Variants in FLT3 observed in about 807,000 individuals in gnomAD.
FLT3 encodes the protein fms related receptor tyrosine kinase 3.
FLT3 carries 46 observed loss-of-function variants against 126.6 expected under a neutral mutation model. The observed-to-expected ratio is 0.36, with a 90% CI of 0.29 to 0.46. The LOEUF (loss-of-function observed/expected upper bound fraction) is 0.46, where lower values mean the gene tolerates loss of function less well. Among genes scored for constraint, FLT3 ranks in the 20% least tolerant of loss-of-function variants. FLT3 has a pLI of 1.00. For missense variants in FLT3, 1,069 were observed against 1,190.3 expected, an observed-to-expected ratio of 0.90 and a Z score of 1.50; for synonymous variants, 404 against 434.4, an observed-to-expected ratio of 0.93 and a Z score of 0.87.
intron 17 of FLT3, among the ~76,000 whole-genome samples, chr13:28,026,140 CAGG>C (rs1441835607): frequency 1.3e-5 from 2 of 151,960 alleles, no homozygotes; most frequent in Non-Finnish European, 2.9e-5. Context: ...CAACTGAGGT[CAGG>C]AGTTCAACAC....
At chr13:28,077,541 CT>C (rs1878039083) in intron 1 of FLT3, among the ~76,000 whole-genome samples, 1 of 152,142 alleles carries the variant, frequency 6.6e-6, no homozygotes, top group East Asian at 1.9e-4. Flanking sequence ...TTACCTCCCC[CT>C]GGGTCCTTCC....
At chr13:28,015,546 T>C (rs1201179594) in intron 21 of FLT3, 44 bp downstream of exon 21, 1 of 1,138,804 alleles carries the variant, frequency 8.8e-7, no homozygotes, top group Non-Finnish European at 1.3e-6. Context: ...GAGCAGAGGA[T>C]GCAAAGCCAG....
intron 1 of FLT3, among the ~76,000 whole-genome samples, chr13:28,083,914 C>T (rs1419729096): frequency 6.6e-6 from 1 of 151,822 alleles, no homozygotes; most frequent in East Asian, 1.9e-4. Context: ...TTTTATTGAT[C>T]TTTTACTGTT....
intron 23 of FLT3, among the ~76,000 whole-genome samples, chr13:28,013,231 A>G (rs1405815299): frequency 6.6e-6 from 1 of 152,238 alleles, no homozygotes; most frequent in Non-Finnish European, 1.5e-5. Context: ...TACAGAACTG[A>G]AAACTGACTC....
At chr13:28,032,986 T>A (rs1457225726) in intron 15 of FLT3, among the ~76,000 whole-genome samples, 1 of 152,066 alleles carries the variant, frequency 6.6e-6, no homozygotes, top group Non-Finnish European at 1.5e-5. Flanking sequence ...CAGATCGGAA[T>A]GGATGGAGCA....
intron 1 of FLT3, among the ~76,000 whole-genome samples, chr13:28,083,298 T>C (rs1326056561): frequency 6.6e-6 from 1 of 152,218 alleles, no homozygotes; most frequent in East Asian, 1.9e-4. Flanking sequence ...GTAAATATAG[T>C]GATTGATTTT....
rs148582615 is a variant in FLT3 at position 28,063,607 on chromosome 13, G to A, written c.166-1538C>T. On this transcript the variant is annotated intron_variant, in intron 2 of 23. Transcript: ENST00000241453. Reference sequence around the variant, plus strand: ...ACAGCATGCACACATGCACACACATGAGCACACACATATTTCTTCAGGTGA... The same window carrying A: ...ACAGCATGCACACATGCACACACATAAGCACACACATATTTCTTCAGGTGA... 6.1e-3 allele frequency among the ~76,000 whole-genome samples: 923 copies of A among 152,188 alleles called. 14 individuals carry two copies. Among genetic ancestry groups the A allele is most frequent in the African/African-American group, 0.021 (870 of 41,532 alleles).
chr13:28,050,072 A>G, intron 6 of FLT3, 23 bp downstream of exon 6: 2 of 1,609,044 alleles, frequency 1.2e-6, no homozygotes, highest in Middle Eastern at 1.7e-4. Flanking sequence ...TGAAAATGAA[A>G]GTGCATGATA....
chr13:28,023,312 C>A lies in FLT3; in HGVS notation c.2418+38G>T, dbSNP rs766763755. ...CATATATAAGCACATCTTTTCAAAT[C>A]TTTTTTTTGGTTTGTTTTTTCTTTA... On this transcript the variant is annotated intron_variant, in intron 19 of 23. Transcript: ENST00000241453. 4.7e-6 allele frequency: 5 copies of A among 1,058,520 alleles called. 1 individual carries two copies. Among genetic ancestry groups the A allele is most frequent in the South Asian group, 4.5e-5 (3 of 65,960 alleles). The allele number at this position is 1,058,520 out of a possible 1,614,324, so 65.6% of individuals were successfully genotyped here. A position where few individuals can be genotyped will look rare whatever the true frequency, so the allele number is the denominator to read the frequency against.
rs369177963 is a variant in FLT3, at chr13:28,018,560, G to A, written c.2448C>T (p.Asn816=). 45 of 1,613,992 alleles carry A rather than the reference G, an allele frequency of 2.8e-5. No homozygotes were observed. Among genetic ancestry groups the A allele is most frequent in the East Asian group, 1.1e-4 (5 of 44,896 alleles). ...CCACTTTCCCGTGGGTGACAAGCAC[G>A]TTCCTGGCGGCCAGGTCTCTGTGAA... The part of the protein sequence containing the change: ...SCVHRDLAAR[N]VLVTHGKVVK... Residue 816 remains asparagine (N), a synonymous_variant, in exon 20 of 24, where the codon AAC becomes AAT. Transcript: ENST00000241453.
intron 2 of FLT3, among the ~76,000 whole-genome samples, chr13:28,068,766 G>A (rs906352040): frequency 6.6e-5 from 10 of 152,044 alleles, no homozygotes; most frequent in African/African-American, 2.4e-4. Flanking sequence ...TGATAGACAC[G>A]GGGTTTCACC....
intron 1 of FLT3, among the ~76,000 whole-genome samples, chr13:28,088,553 G>A (rs1384637118): frequency 2.7e-5 from 4 of 148,290 alleles, no homozygotes; most frequent in African/African-American, 9.9e-5. Context: ...CTCCCAAAGT[G>A]CTGGGATTAC....
intron 20 of FLT3, 83 bp from the exon 21 acceptor site, chr13:28,015,784 C>A: frequency 1.2e-6 from 1 of 808,160 alleles, no homozygotes; most frequent in South Asian, 1.4e-5. Context: ...AGATGAAATG[C>A]ATCATCTTCC....
chr13:28,036,437 G>A (rs1306229614), intron 10 of FLT3, among the ~76,000 whole-genome samples: 1 of 152,174 alleles, frequency 6.6e-6, no homozygotes, highest in Non-Finnish European at 1.5e-5. Context: ...GGAGAGAGCT[G>A]AGGTACAGAC....
Position 28,015,525 on chromosome 13 carries a change from C to T in FLT3, c.2653+65G>A, listed in dbSNP as rs4497507. The T allele has an allele frequency of 3.6e-4, 276 of 770,774 alleles. 1 individual carries two copies. The African/African-American group carries it at 4.3e-3, about 12-fold the overall frequency. The allele number at this position is 770,774 out of a possible 1,614,324, so 47.7% of individuals were successfully genotyped here. On this transcript the variant is annotated intron_variant, in intron 21 of 23. Coordinates refer to ENST00000241453, the MANE Select transcript of FLT3 (RefSeq NM_004119.3). The stretch of plus-strand genomic sequence containing the variant: ...ATCAGTGTTGGGGGGAGGGGTGGGG[C>T]GGCACCGAGAGAGCAGAGGATGCAA...
intron 2 of FLT3, among the ~76,000 whole-genome samples, chr13:28,064,217 A>G (rs963119082): frequency 3.3e-5 from 5 of 152,228 alleles, no homozygotes; most frequent in African/African-American, 1.2e-4. Context: ...AGGGACACAG[A>G]ACCAAAACAC....
chr13:28,011,009 ATAAAT>A (rs745311097), intron 23 of FLT3, among the ~76,000 whole-genome samples: 1 of 149,798 alleles, frequency 6.7e-6, no homozygotes, highest in African/African-American at 2.5e-5. Context: ...TCTAAAAAAA[ATAAAT>A]TAAAAAGAAA....
intron 19 of FLT3, among the ~76,000 whole-genome samples, chr13:28,021,411 G>C (rs1872373295): frequency 6.6e-6 from 1 of 152,024 alleles, no homozygotes; most frequent in Non-Finnish European, 1.5e-5. Flanking sequence ...CAAAATGCTT[G>C]TGAAAGCAGG....
At chr13:28,008,533 G>A (rs1871111114) in intron 23 of FLT3, among the ~76,000 whole-genome samples, 1 of 152,048 alleles carries the variant, frequency 6.6e-6, no homozygotes, top group Non-Finnish European at 1.5e-5. Context: ...AGGCTGGAGT[G>A]CAATGGTGCA....
Sources: allele counts gnomAD v4.1 joint callset (sites outside exome capture counted in the v4.1 genomes callset), GRCh38; gene constraint gnomAD v4.1.1; transcripts MANE v1.5; gene names NCBI Gene and HGNC (gene_info 2026-07-23, HGNC 2026-07-21).